Variants in EPHB1 observed in about 807,000 individuals in gnomAD.
EPHB1 encodes the protein ephrin type-B receptor 1.
Under a neutral mutation model 94.4 loss-of-function variants are expected in EPHB1, and 30 were observed. That is an observed-to-expected ratio of 0.32 (90% CI 0.24 to 0.43). The LOEUF (loss-of-function observed/expected upper bound fraction) is 0.43, where lower values mean the gene tolerates loss of function less well. Among genes scored for constraint, EPHB1 ranks in the 20% least tolerant of loss-of-function variants. The pLI is 1.00. For missense variants in EPHB1, 1,055 were observed against 1,308.3 expected, an observed-to-expected ratio of 0.81 and a Z score of 2.99; for synonymous variants, 522 against 489.1, an observed-to-expected ratio of 1.07 and a Z score of -0.89.
At chr3:135,030,579 G>A (rs909758165) in intron 3 of EPHB1, among the ~76,000 whole-genome samples, 43 of 152,336 alleles carry the variant, frequency 2.8e-4, no homozygotes, top group South Asian at 1.0e-3. Flanking sequence ...CAGTCTGCCC[G>A]TTCTCAGATC....
chr3:135,047,239 G>A (rs1018076172), intron 3 of EPHB1, among the ~76,000 whole-genome samples: 9 of 152,230 alleles, frequency 5.9e-5, no homozygotes, highest in Admixed American at 5.2e-4. Context: ...GGTCAAGAGA[G>A]GAGAAATGCT....
rs73862021 is a variant in EPHB1, at chr3:135,133,090, C to T, written c.1297+41C>T. The T allele has an allele frequency of 8.3e-3, 12,725 of 1,530,734 alleles. 789 individuals carry two copies. The African/African-American group carries it at 0.14, about 17-fold the overall frequency. The allele number at this position is 1,530,734 out of a possible 1,614,324, so 94.8% of individuals were successfully genotyped here. ...TCTGTGCTCCTGTTTGGATGTGTGG[C>T]TGGCTCTTTGTCTCTAGGCAGGGAC... is the stretch of plus-strand genomic sequence containing the variant. On this transcript the variant is annotated intron_variant, in intron 5 of 15. Coordinates refer to ENST00000398015, the MANE Select transcript of EPHB1 (RefSeq NM_004441.5).
chr3:134,947,026 C>T (rs1175707625), intron 2 of EPHB1, among the ~76,000 whole-genome samples: 2 of 152,146 alleles, frequency 1.3e-5, no homozygotes, highest in East Asian at 3.9e-4. Flanking sequence ...GTAATTTTCC[C>T]TCACAGCAGT....
chr3:135,048,569 CAAAA>C (rs1323142114), intron 3 of EPHB1, among the ~76,000 whole-genome samples: 2 of 152,122 alleles, frequency 1.3e-5, no homozygotes, highest in Non-Finnish European at 2.9e-5. Flanking sequence ...TGCATCCTTC[CAAAA>C]ATACTCCCCT....
At chr3:135,168,517 G>A (rs141595969) in intron 9 of EPHB1, among the ~76,000 whole-genome samples, 1 of 152,334 alleles carries the variant, frequency 6.6e-6, no homozygotes, top group Non-Finnish European at 1.5e-5. Flanking sequence ...TTCTATTTAT[G>A]TTGGCCTGTG....
chr3:134,824,645 A>C (rs2036443272), intron 1 of EPHB1, among the ~76,000 whole-genome samples: 1 of 152,160 alleles, frequency 6.6e-6, no homozygotes, highest in Non-Finnish European at 1.5e-5. Context: ...AAAATGTGGC[A>C]GAGGTGATGG....
intron 10 of EPHB1, among the ~76,000 whole-genome samples, chr3:135,188,267 T>G (rs186508051): frequency 3.6e-4 from 54 of 148,164 alleles, no homozygotes; most frequent in African/African-American, 1.3e-3. Context: ...GAGCCCAAGG[T>G]GGGCAGATCA....
chr3:135,205,984 A>G (rs1942891582), intron 12 of EPHB1, among the ~76,000 whole-genome samples: 1 of 152,222 alleles, frequency 6.6e-6, no homozygotes, highest in African/African-American at 2.4e-5. Flanking sequence ...GATACAGAAC[A>G]TTGCCATCAA....
chr3:134,859,416 G>C (rs2037196673), intron 1 of EPHB1, among the ~76,000 whole-genome samples: 1 of 152,208 alleles, frequency 6.6e-6, no homozygotes, highest in Non-Finnish European at 1.5e-5. Flanking sequence ...TTTCTAGCTT[G>C]TTCAAGGCCA....
chr3:134,853,790 A>G (rs2037044916), intron 1 of EPHB1, among the ~76,000 whole-genome samples: 1 of 152,160 alleles, frequency 6.6e-6, no homozygotes, highest in Non-Finnish European at 1.5e-5. Flanking sequence ...GAGGAAGAGA[A>G]GGCTTTGGTC....
chr3:134,852,966 A>G (rs1464199305), intron 1 of EPHB1, among the ~76,000 whole-genome samples: 1 of 152,146 alleles, frequency 6.6e-6, no homozygotes, highest in Non-Finnish European at 1.5e-5. Context: ...GTCTCCTTCC[A>G]TACTGTCAGA....
intron 3 of EPHB1, among the ~76,000 whole-genome samples, chr3:135,059,658 C>T (rs1182128224): frequency 1.3e-5 from 2 of 152,118 alleles, no homozygotes; most frequent in Non-Finnish European, 2.9e-5. Context: ...TGGATATTTG[C>T]TTAATAATGG....
intron 1 of EPHB1, among the ~76,000 whole-genome samples, chr3:134,888,748 A>G (rs944529405): frequency 6.6e-6 from 1 of 152,092 alleles, no homozygotes; most frequent in African/African-American, 2.4e-5. Context: ...CTTCCTGAAA[A>G]TCATAAGGCA....
At chr3:134,842,876 T>TA (rs1371101430) in intron 1 of EPHB1, among the ~76,000 whole-genome samples, 1 of 152,244 alleles carries the variant, frequency 6.6e-6, no homozygotes, top group Non-Finnish European at 1.5e-5. Flanking sequence ...ATTACACTGA[T>TA]ATATGATATA....
chr3:135,068,771 C>T (rs1443972553), intron 3 of EPHB1, among the ~76,000 whole-genome samples: 2 of 151,748 alleles, frequency 1.3e-5, no homozygotes, highest in Non-Finnish European at 2.9e-5. Context: ...GCCTCAGCCT[C>T]CTGAGTAGCT....
rs1395624529 is a variant in EPHB1 at position 134,951,869 on chromosome 3, G to A, written c.622G>A (p.Glu208Lys). ...TGTGCAAAATTTTGCAGTGTTTCCAGAGACTATGACAGGGGCAGAGAGCAC... is the reference window on the plus strand; with the variant it reads ...TGTGCAAAATTTTGCAGTGTTTCCAAAGACTATGACAGGGGCAGAGAGCAC... ...SIVQNFAVFP[E>K]TMTGAESTSL... The change falls in exon 3 of 16, where the codon GAG becomes AAG. Residue 208 changes from glutamate to lysine, a missense_variant. Transcript: ENST00000398015. This position sits in a 1 kb window ranked among gnomAD's most constrained non-coding sequence, Gnocchi z 4.5. 6.2e-7 allele frequency: 1 copy of A among 1,614,022 alleles called. No individual in the cohort carries two copies. The highest frequency in any genetic ancestry group is 1.7e-5 in the Admixed American group (1 of 60,026).
intron 1 of EPHB1, among the ~76,000 whole-genome samples, chr3:134,797,726 A>C (rs1327485720): frequency 1.3e-5 from 2 of 152,212 alleles, no homozygotes; most frequent in African/African-American, 4.8e-5. Flanking sequence ...TTCCGGAGCC[A>C]CTTACCCCCG....
At chr3:135,032,169 C>T (rs772004186) in intron 3 of EPHB1, among the ~76,000 whole-genome samples, 1 of 151,448 alleles carries the variant, frequency 6.6e-6, no homozygotes, top group Admixed American at 6.6e-5. Flanking sequence ...TTTTGGATAA[C>T]TTCTATCCAT....
In EPHB1 at chr3:134,880,109, T is replaced by C. The variant is rs550967586; in HGVS notation, c.59-45707T>C. Among the ~76,000 whole-genome samples the C allele has an allele frequency of 5.5e-4, 84 of 152,308 alleles. 1 individual carries two copies. The highest frequency in any genetic ancestry group is 4.4e-4 in the Non-Finnish European group (30 of 68,034). ...TTGCTCAGAGGCTGGAAGAACCCTCTGGGAAGAAGCACTCTGCTTCAGTCT... is the reference window on the plus strand; with the variant it reads ...TTGCTCAGAGGCTGGAAGAACCCTCCGGGAAGAAGCACTCTGCTTCAGTCT... On this transcript the variant is annotated intron_variant, in intron 1 of 15. Transcript: ENST00000398015.
Sources: allele counts gnomAD v4.1 joint callset (sites outside exome capture counted in the v4.1 genomes callset), GRCh38; gene constraint gnomAD v4.1.1; non-coding constraint Gnocchi (gnomAD v3.1); transcripts MANE v1.5; gene names NCBI Gene and HGNC (gene_info 2026-07-23, HGNC 2026-07-21).